Variants in GTF2F2 observed in about 807,000 individuals in gnomAD.
GTF2F2 encodes ATP-dependent helicase GTF2F2.
In GTF2F2, 23 loss-of-function variants were observed where a neutral mutation model predicts 42.2. That is an observed-to-expected ratio of 0.55 (90% CI 0.39 to 0.77). The LOEUF is 0.77. GTF2F2 is among the 30% of genes least tolerant of loss of function. GTF2F2 has a pLI of 0.00. For missense variants in GTF2F2, 261 were observed against 287.2 expected, an observed-to-expected ratio of 0.91 and a Z score of 0.66; for synonymous variants, 105 against 100.8, an observed-to-expected ratio of 1.04 and a Z score of -0.25.
intron 4 of GTF2F2, chr13:45,193,713 G>T: frequency 7.4e-7 from 1 of 1,359,116 alleles, no homozygotes; most frequent in African/African-American, 1.5e-5. Flanking sequence ...CATGTTATTT[G>T]GGATGTCTTT....
At chr13:45,166,867 A>G (rs1045150699) in intron 4 of GTF2F2, among the ~76,000 whole-genome samples, 1 of 152,218 alleles carries the variant, frequency 6.6e-6, no homozygotes, top group Non-Finnish European at 1.5e-5. Context: ...AATAATTGAG[A>G]AACCAATTTT....
chr13:45,137,595 G>A (rs1015812966), intron 2 of GTF2F2, among the ~76,000 whole-genome samples: 2 of 152,344 alleles, frequency 1.3e-5, no homozygotes, highest in African/African-American at 4.8e-5. Flanking sequence ...TGGTGGTTGA[G>A]TTGACATTAG....
At chr13:45,274,644 A>C (rs936621836) in intron 7 of GTF2F2, among the ~76,000 whole-genome samples, 1 of 152,070 alleles carries the variant, frequency 6.6e-6, no homozygotes, top group Admixed American at 6.6e-5. Flanking sequence ...ATACTTTCTT[A>C]AAGTGTGTAG....
At chr13:45,242,599 AGTT>A (rs1195017172) in intron 5 of GTF2F2, among the ~76,000 whole-genome samples, 4 of 152,124 alleles carry the variant, frequency 2.6e-5, no homozygotes, top group African/African-American at 9.7e-5. Flanking sequence ...GTGTTTTTGT[AGTT>A]GTTTAATTCC....
At chr13:45,206,781 A>G (rs913068944) in intron 4 of GTF2F2, 1 of 152,146 alleles carries the variant, frequency 6.6e-6, no homozygotes, top group African/African-American at 2.4e-5. Flanking sequence ...ATTACTAAGG[A>G]TAGGGGAAAT....
intron 7 of GTF2F2, among the ~76,000 whole-genome samples, chr13:45,279,395 C>T (rs1280600655): frequency 6.6e-6 from 1 of 152,316 alleles, no homozygotes; most frequent in African/African-American, 2.4e-5. Context: ...TTCAAATTCA[C>T]GTAGTACAGT....
chr13:45,185,529 A>G (rs1484552254), intron 4 of GTF2F2, among the ~76,000 whole-genome samples: 1 of 152,154 alleles, frequency 6.6e-6, no homozygotes, highest in African/African-American at 2.4e-5. Context: ...TAAATCTATC[A>G]CCCACAACCT....
At chr13:45,195,748 C>T (rs1011174952) in intron 4 of GTF2F2, among the ~76,000 whole-genome samples, 1 of 152,126 alleles carries the variant, frequency 6.6e-6, no homozygotes, top group Non-Finnish European at 1.5e-5. Flanking sequence ...AAACATTGTC[C>T]CCAGTACACT....
chr13:45,193,229 T>A (rs1464620261), intron 4 of GTF2F2: 1 of 152,222 alleles, frequency 6.6e-6, no homozygotes, highest in Non-Finnish European at 1.5e-5. Context: ...TTTTGGTGCT[T>A]GCTATGGAAA....
chr13:45,166,656 G>A (rs77317344), intron 4 of GTF2F2, among the ~76,000 whole-genome samples: 1 of 152,126 alleles, frequency 6.6e-6, no homozygotes, highest in African/African-American at 2.4e-5. Context: ...TAGGGAATAG[G>A]GGGCTTTAAA....
At chr13:45,180,154 C>A (rs931331164) in intron 4 of GTF2F2, among the ~76,000 whole-genome samples, 1 of 152,170 alleles carries the variant, frequency 6.6e-6, no homozygotes, top group Non-Finnish European at 1.5e-5. Flanking sequence ...TAACATTCCA[C>A]AACTAATTTC....
At chr13:45,246,141 TG>T (rs1433026583) in intron 5 of GTF2F2, among the ~76,000 whole-genome samples, 1 of 151,216 alleles carries the variant, frequency 6.6e-6, no homozygotes, top group Non-Finnish European at 1.5e-5. Context: ...CCCGAGTAGC[TG>T]GGACTGCAGG....
intron 4 of GTF2F2, among the ~76,000 whole-genome samples, chr13:45,180,440 A>G (rs958545277): frequency 6.6e-5 from 10 of 151,914 alleles, no homozygotes; most frequent in Admixed American, 6.6e-4. Context: ...TTTTTTCCGT[A>G]TGTGTGTGTA....
intron 4 of GTF2F2, among the ~76,000 whole-genome samples, chr13:45,205,195 G>T (rs1045084083): frequency 1.3e-5 from 2 of 152,142 alleles, no homozygotes; most frequent in Non-Finnish European, 2.9e-5. Flanking sequence ...ATTGACTCAC[G>T]GTTCCGCATA....
In GTF2F2 at chr13:45,214,165, T is replaced by G. The variant is rs142295192; in HGVS notation, c.386+6660T>G. 3.2e-3 allele frequency among the ~76,000 whole-genome samples: 488 copies of G among 152,346 alleles called. 1 individual carries two copies. The highest frequency in any genetic ancestry group is 5.2e-3 in the Non-Finnish European group (351 of 68,014). On this transcript the variant is annotated intron_variant, in intron 5 of 7. Coordinates refer to ENST00000340473, the MANE Select transcript of GTF2F2 (RefSeq NM_004128.3). ...TAATGATCTTTAAGAATGATTAGTCTTCTTTTAGTGGGAATTTAATTTTAG... is the reference window on the plus strand; with the variant it reads ...TAATGATCTTTAAGAATGATTAGTCGTCTTTTAGTGGGAATTTAATTTTAG...
intron 5 of GTF2F2, among the ~76,000 whole-genome samples, chr13:45,212,558 CTCTTTCTT>C (rs781595408): frequency 1.4e-5 from 2 of 145,576 alleles, no homozygotes; most frequent in African/African-American, 2.5e-5. Context: ...CTCTCTTTCT[CTCTTTCTT>C]TCTTTCTTTT....
chr13:45,180,052 T>C (rs1872074701), intron 4 of GTF2F2, among the ~76,000 whole-genome samples: 1 of 152,184 alleles, frequency 6.6e-6, no homozygotes, highest in Non-Finnish European at 1.5e-5. Flanking sequence ...ATCTATCAAT[T>C]CTCTGTTACG....
chr13:45,189,914 C>T (rs988209271), intron 4 of GTF2F2, among the ~76,000 whole-genome samples: 6 of 150,718 alleles, frequency 4.0e-5, no homozygotes, highest in African/African-American at 1.5e-4. Flanking sequence ...AATGGTAATA[C>T]CATAGGCAGT....
intron 1 of GTF2F2, chr13:45,124,218 G>C (rs1868845475): frequency 5.8e-6 from 2 of 346,480 alleles, no homozygotes; most frequent in Non-Finnish European, 1.1e-5. Context: ...GAGTAGCTGG[G>C]ACTATAGGTG....
Sources: allele counts gnomAD v4.1 joint callset (sites outside exome capture counted in the v4.1 genomes callset), GRCh38; gene constraint gnomAD v4.1.1; transcripts MANE v1.5; gene names NCBI Gene and HGNC (gene_info 2026-07-23, HGNC 2026-07-21).